ADK: variants seen among roughly 807,000 people sequenced by gnomAD.
ADK encodes the protein adenosine kinase.
Under a neutral mutation model 44.7 loss-of-function variants are expected in ADK, and 24 were observed. The ratio of observed to expected loss-of-function variants is 0.54; its 90% CI spans 0.39 to 0.76. The LOEUF (loss-of-function observed/expected upper bound fraction) is 0.76. Ranked by LOEUF, ADK falls within the 30% of genes least tolerant of loss-of-function variation. The pLI, the probability that ADK is intolerant of heterozygous loss-of-function variation, is 0.00. For synonymous variants in ADK, 128 were observed against 142.6 expected, an observed-to-expected ratio of 0.90 and a Z score of 0.73; for missense variants, 321 against 425.1, an observed-to-expected ratio of 0.76 and a Z score of 2.15.
intron 7 of ADK, chr10:74,527,863 C>CT: frequency 1.1e-6 from 1 of 930,250 alleles, no homozygotes; most frequent in East Asian, 2.4e-5. Flanking sequence ...AGCCAGATCT[C>CT]TAACATACGT....
At chr10:74,372,078 G>A in intron 4 of ADK, 1 of 755,816 alleles carries the variant, frequency 1.3e-6, no homozygotes, top group East Asian at 2.4e-5. Context: ...AGCCCGGGAA[G>A]GTTTGCGCGC....
chr10:74,300,586 C>G (rs1839996008), intron 3 of ADK, among the ~76,000 whole-genome samples: 1 of 152,070 alleles, frequency 6.6e-6, no homozygotes, highest in African/African-American at 2.4e-5. Flanking sequence ...ACCATGTTGA[C>G]CAGCCTGGTC....
chr10:74,656,698 G>T (rs562666902), intron 9 of ADK, among the ~76,000 whole-genome samples: 2 of 152,238 alleles, frequency 1.3e-5, no homozygotes, highest in East Asian at 3.9e-4. Flanking sequence ...TACTTCACAG[G>T]GTTGACGTGA....
chr10:74,702,026 T>C (rs2134307667), intron 10 of ADK, among the ~76,000 whole-genome samples: 1 of 152,224 alleles, frequency 6.6e-6, no homozygotes, highest in African/African-American at 2.4e-5. Context: ...GGTAGGCTCT[T>C]GTTTATGGTA....
In ADK at chr10:74,394,165, G is replaced by T; in HGVS notation, c.298G>T (p.Ala100Ser). 6.2e-7 allele frequency: 1 copy of T among 1,613,974 alleles called. No homozygotes were observed. The highest frequency in any genetic ancestry group is 8.5e-7 in the Non-Finnish European group (1 of 1,179,924). The change falls in exon 5 of 11, where the codon GCA (alanine) becomes TCA (serine). Residue 100 changes from alanine to serine, a missense_variant. Coordinates refer to ENST00000539909, the MANE Select transcript of ADK (RefSeq NM_006721.4). ...AQWMIQQPHKAATFFGCIGID... is the reference protein window; with the variant it reads ...AQWMIQQPHKSATFFGCIGID... Reference sequence around the variant, plus strand: ...GTGGATGATTCAACAGCCACACAAAGCAGCAACATTTTTTGGATGCATTGG... The same window carrying T: ...GTGGATGATTCAACAGCCACACAAATCAGCAACATTTTTTGGATGCATTGG...
intron 10 of ADK, among the ~76,000 whole-genome samples, chr10:74,708,106 T>G (rs566724726): frequency 7.0e-6 from 1 of 143,296 alleles, no homozygotes; most frequent in African/African-American, 2.6e-5. Context: ...GCCAAGATGA[T>G]GCCACTGTAC....
At chr10:74,480,621 CTTAA>C (rs1357467295) in intron 6 of ADK, among the ~76,000 whole-genome samples, 2 of 152,048 alleles carry the variant, frequency 1.3e-5, no homozygotes, top group Non-Finnish European at 2.9e-5. Context: ...ATTTCTTACT[CTTAA>C]TTTTATCTTT....
At chr10:74,319,252 G>T (rs1386774253) in intron 4 of ADK, among the ~76,000 whole-genome samples, 1 of 152,192 alleles carries the variant, frequency 6.6e-6, no homozygotes, top group Non-Finnish European at 1.5e-5. Context: ...TGCTAGGGCA[G>T]TCTTAGCAAT....
At chr10:74,486,296 G>A (rs1232129217) in intron 6 of ADK, among the ~76,000 whole-genome samples, 2 of 152,030 alleles carry the variant, frequency 1.3e-5, no homozygotes, top group Non-Finnish European at 2.9e-5. Flanking sequence ...GTTTCCTGAG[G>A]TCACTCTAGC....
intron 3 of ADK, among the ~76,000 whole-genome samples, chr10:74,300,358 C>CCTTCCTTCCTTCCTTT (rs1564641085): frequency 1.6e-5 from 1 of 64,074 alleles, no homozygotes; most frequent in African/African-American, 4.5e-5. Flanking sequence ...TTCCTTCCTT[C>CCTTCCTTCCTTCCTTT]CTTTCTTTCT....
intron 2 of ADK, among the ~76,000 whole-genome samples, 189 bp downstream of exon 2, chr10:74,201,027 CTT>C (rs886855429): frequency 6.6e-6 from 1 of 152,122 alleles, no homozygotes; most frequent in African/African-American, 2.4e-5. Context: ...CTTGGGAAAA[CTT>C]ATATACATTG....
chr10:74,303,244 CTT>C (rs767356210), intron 3 of ADK, among the ~76,000 whole-genome samples: 1 of 152,134 alleles, frequency 6.6e-6, no homozygotes, highest in Non-Finnish European at 1.5e-5. Context: ...AAAACATACT[CTT>C]GTGCTTATTT....
At chr10:74,182,088 T>C (rs1235503930) in intron 1 of ADK, among the ~76,000 whole-genome samples, 1 of 152,158 alleles carries the variant, frequency 6.6e-6, no homozygotes, top group Middle Eastern at 3.2e-3. Flanking sequence ...GTATGTCCAA[T>C]AGAATCTGCC....
chr10:74,591,350 C>T (rs1284044250), intron 8 of ADK, among the ~76,000 whole-genome samples: 1 of 152,152 alleles, frequency 6.6e-6, no homozygotes, highest in African/African-American at 2.4e-5. Context: ...AGCAAAACTG[C>T]TCTGTCAGTG....
intron 9 of ADK, among the ~76,000 whole-genome samples, chr10:74,654,673 G>A (rs1325973216): frequency 2.0e-5 from 3 of 152,214 alleles, no homozygotes; most frequent in Non-Finnish European, 4.4e-5. Context: ...TTAGCCGGGT[G>A]TGGTGGCAGG....
intron 2 of ADK, among the ~76,000 whole-genome samples, chr10:74,222,757 A>C (rs899997018): frequency 6.6e-6 from 1 of 151,936 alleles, no homozygotes; most frequent in African/African-American, 2.4e-5. Context: ...AAACTATCAC[A>C]AGAACAAAAA....
At chr10:74,511,098 G>C (rs1190044120) in intron 6 of ADK, among the ~76,000 whole-genome samples, 1 of 152,140 alleles carries the variant, frequency 6.6e-6, no homozygotes, top group Non-Finnish European at 1.5e-5. Flanking sequence ...GTTTGCTCAG[G>C]ACCATTTATT....
At chr10:74,190,308 A>G (rs1034385057) in intron 1 of ADK, among the ~76,000 whole-genome samples, 6 of 152,218 alleles carry the variant, frequency 3.9e-5, no homozygotes, top group Non-Finnish European at 7.3e-5. Flanking sequence ...TCAGCACTCA[A>G]CCAGGCTTTC....
intron 2 of ADK, among the ~76,000 whole-genome samples, chr10:74,215,456 G>A (rs888713275): frequency 7.5e-4 from 113 of 150,990 alleles, no homozygotes; most frequent in Middle Eastern, 3.5e-3. Context: ...GACCACAGGC[G>A]CCTGCCACCA....
Sources: allele counts gnomAD v4.1 joint callset (sites outside exome capture counted in the v4.1 genomes callset), GRCh38; gene constraint gnomAD v4.1.1; transcripts MANE v1.5; gene names NCBI Gene and HGNC (gene_info 2026-07-23, HGNC 2026-07-21).